Variants in NMBR observed in about 807,000 individuals in gnomAD.
NMBR encodes the protein neuromedin B receptor, also known as neuromedin-B receptor.
In NMBR, 16 loss-of-function variants were observed where a neutral mutation model predicts 20.5. The ratio of observed to expected loss-of-function variants is 0.78; its 90% CI spans 0.53 to 1.19. The LOEUF (loss-of-function observed/expected upper bound fraction) is 1.19, where lower values mean the gene tolerates loss of function less well. Ranked by LOEUF, NMBR falls within the 50% of genes most tolerant of loss-of-function variation. The pLI is 0.00. For synonymous variants in NMBR, 212 were observed against 196.6 expected (o/e 1.08, Z -0.65); for missense variants, 582 against 499.1 (o/e 1.17, Z -1.58).
At chr6:142,081,306 CA>C (rs1182409193) in intron 2 of NMBR, among the ~76,000 whole-genome samples, 5 of 152,066 alleles carry the variant, frequency 3.3e-5, no homozygotes, top group African/African-American at 1.2e-4. Flanking sequence ...TATATCATAG[CA>C]TGCATTATAA....
chr6:142,118,390 T>A (rs1777887785), intron 1 of NMBR, among the ~76,000 whole-genome samples: 1 of 152,032 alleles, frequency 6.6e-6, no homozygotes, highest in African/African-American at 2.4e-5. Context: ...GTCCCCAAGT[T>A]AGGTTTATAT....
At chr6:142,107,486 A>G (rs1192554020) in intron 1 of NMBR, among the ~76,000 whole-genome samples, 1 of 152,200 alleles carries the variant, frequency 6.6e-6, no homozygotes, top group Non-Finnish European at 1.5e-5. Context: ...ACTTCATCCC[A>G]GGGTGATGAT....
intron 1 of NMBR, among the ~76,000 whole-genome samples, chr6:142,109,479 T>A (rs1582851193): frequency 2.2e-5 from 3 of 134,620 alleles, no homozygotes; most frequent in East Asian, 4.0e-4. Context: ...GGTATGTCTT[T>A]TTTTTTTTTT....
At chr6:142,133,865 G>A in intron 1 of NMBR, 2 of 692,998 alleles carry the variant, frequency 2.9e-6, no homozygotes, top group South Asian at 3.0e-5. Context: ...ACCTCCAACT[G>A]TGATTGGTCA....
At chr6:142,086,878 T>C (rs530857813) in intron 2 of NMBR, among the ~76,000 whole-genome samples, 2 of 152,284 alleles carry the variant, frequency 1.3e-5, no homozygotes, top group Admixed American at 1.3e-4. Context: ...TAATTTAAAC[T>C]ACTGTGGTTG....
At chr6:142,127,005 C>A (rs983228597) in intron 1 of NMBR, among the ~76,000 whole-genome samples, 35 of 151,160 alleles carry the variant, frequency 2.3e-4, no homozygotes, top group Non-Finnish European at 4.4e-5. Context: ...ATTCAAATAA[C>A]TTATCTGTAT....
intron 1 of NMBR, among the ~76,000 whole-genome samples, chr6:142,103,882 C>T (rs768717833): frequency 3.9e-5 from 6 of 152,120 alleles, no homozygotes; most frequent in Non-Finnish European, 8.8e-5. Flanking sequence ...AAAATTCTTA[C>T]CCAGTCCAAA....
intron 1 of NMBR, among the ~76,000 whole-genome samples, chr6:142,120,004 A>G (rs1489666894): frequency 6.6e-6 from 1 of 152,020 alleles, no homozygotes; most frequent in Non-Finnish European, 1.5e-5. Flanking sequence ...TAAAGTATAA[A>G]GCCATATGTA....
Position 142,088,302 on chromosome 6 carries a change from G to A in NMBR, c.357C>T (p.Ile119=). The change falls in exon 2 of 4, where the codon ATC becomes ATT. Residue 119 remains isoleucine, a synonymous_variant. Coordinates refer to ENST00000258042, the MANE Select transcript of NMBR (RefSeq NM_002511.4). ...WMFGKVGCKL[I]PVIQLTSVGV... ...CCACGGAAGTGAGCTGGATGACAGG[G>A]ATCAGTTTGCAGCCCACCTTGCCAA... The A allele has an allele frequency of 6.2e-7, 1 of 1,614,070 alleles. No individual in the cohort carries two copies. The highest frequency in any genetic ancestry group is 2.2e-5 in the East Asian group (1 of 44,868).
chr6:142,086,895 A>G (rs1777210380), intron 2 of NMBR, among the ~76,000 whole-genome samples: 1 of 152,188 alleles, frequency 6.6e-6, no homozygotes, highest in Non-Finnish European at 1.5e-5. Flanking sequence ...GTTGCTAATC[A>G]TTAAGTTTTA....
intron 1 of NMBR, among the ~76,000 whole-genome samples, chr6:142,102,434 T>C (rs538311092): frequency 6.6e-6 from 1 of 150,730 alleles, no homozygotes; most frequent in Non-Finnish European, 1.5e-5. Context: ...CAAAGCAGCC[T>C]GTTCATTGAT....
At chr6:142,132,644 G>A (rs1029913173) in intron 1 of NMBR, among the ~76,000 whole-genome samples, 3 of 152,108 alleles carry the variant, frequency 2.0e-5, no homozygotes, top group African/African-American at 7.2e-5. Flanking sequence ...CTCTATGGAA[G>A]TAAACAATAA....
At chr6:142,092,185 A>C (rs191494684) in intron 1 of NMBR, among the ~76,000 whole-genome samples, 68 of 152,218 alleles carry the variant, frequency 4.5e-4, no homozygotes, top group African/African-American at 1.6e-3. Context: ...ACTAATACAA[A>C]TATATAATAT....
intron 1 of NMBR, among the ~76,000 whole-genome samples, chr6:142,104,766 A>G (rs1452184583): frequency 6.6e-6 from 1 of 152,174 alleles, no homozygotes; most frequent in Non-Finnish European, 1.5e-5. Context: ...GAAAGTGAGG[A>G]AAAATGTTTG....
At chr6:142,079,522 T>C (rs1777049785) in intron 2 of NMBR, among the ~76,000 whole-genome samples, 1 of 152,224 alleles carries the variant, frequency 6.6e-6, no homozygotes, top group Non-Finnish European at 1.5e-5. Context: ...ATGTATTGAA[T>C]ACCAAATATA....
intron 1 of NMBR, among the ~76,000 whole-genome samples, chr6:142,096,260 G>C (rs1322956399): frequency 1.3e-5 from 2 of 152,062 alleles, no homozygotes; most frequent in African/African-American, 4.8e-5. Flanking sequence ...GTCAATTTTA[G>C]ATCTTTCCTG....
intron 3 of NMBR, among the ~76,000 whole-genome samples, chr6:142,078,021 C>A (rs1229333514): frequency 6.6e-6 from 1 of 152,016 alleles, no homozygotes; most frequent in Non-Finnish European, 1.5e-5. Context: ...TGCTTCAGCA[C>A]CAGCCCACCT....
chr6:142,096,262 T>A (rs932288412), intron 1 of NMBR, among the ~76,000 whole-genome samples: 50 of 152,330 alleles, frequency 3.3e-4, no homozygotes, highest in Admixed American at 6.5e-4. Flanking sequence ...CAATTTTAGA[T>A]CTTTCCTGCT....
chr6:142,117,662 C>T (rs1255643452), intron 1 of NMBR, among the ~76,000 whole-genome samples: 2 of 151,854 alleles, frequency 1.3e-5, no homozygotes, highest in African/African-American at 4.8e-5. Context: ...GCACATAAGA[C>T]TGATTATATG....
Sources: allele counts gnomAD v4.1 joint callset (sites outside exome capture counted in the v4.1 genomes callset), GRCh38; gene constraint gnomAD v4.1.1; transcripts MANE v1.5; gene names NCBI Gene and HGNC (gene_info 2026-07-23, HGNC 2026-07-21).